FRRS1L: variants seen among roughly 807,000 people sequenced by gnomAD.
FRRS1L encodes the protein DOMON domain-containing protein FRRS1L.
Under a neutral mutation model 28.6 loss-of-function variants are expected in FRRS1L, and 22 were observed. The observed-to-expected ratio is 0.77, with a 90% confidence interval of 0.55 to 1.10. The LOEUF (loss-of-function observed/expected upper bound fraction) is 1.10, where lower values mean the gene tolerates loss of function less well. Ranked by LOEUF, FRRS1L falls within the 50% of genes least tolerant of loss-of-function variation. The probability of loss-of-function intolerance (pLI) is 0.00; values close to 1 mark genes in which losing one functional copy is unlikely to be tolerated. For missense variants in FRRS1L, 380 were observed against 386.9 expected (o/e 0.98, Z 0.15); for synonymous variants, 158 against 151.4 (o/e 1.04, Z -0.32).
At chr9:109,154,846 T>A (rs937683759) in intron 1 of FRRS1L, among the ~76,000 whole-genome samples, 1 of 152,208 alleles carries the variant, frequency 6.6e-6, no homozygotes, top group South Asian at 2.1e-4. Flanking sequence ...CGATAATGGA[T>A]AACAGACAAT....
At position 109,132,725 on chromosome 9, in the gene FRRS1L, T is replaced by C. The variant is rs1210264055; in HGVS notation, c.*4730A>G. On this transcript the variant is annotated 3_prime_UTR_variant, in exon 5 of 5. Coordinates refer to ENST00000561981, the MANE Select transcript of FRRS1L (RefSeq NM_014334.4). ...TGCAAGCTAAGAATGGTCTTTGGAT[T>C]TTTTTAATGGCTTTCTGAAAAAAAT... 1 of 152,178 alleles carries C rather than the reference T, an allele frequency of 6.6e-6. No homozygotes were observed. Among genetic ancestry groups the C allele is most frequent in the Non-Finnish European group, 1.5e-5 (1 of 68,030 alleles). 9.4% of individuals were successfully genotyped at this position (152,178 alleles called of 1,614,324 possible). A position where few individuals can be genotyped will look rare whatever the true frequency, so the allele number is the denominator to read the frequency against.
chr9:109,143,925 GA>G (rs1051303078), intron 3 of FRRS1L, among the ~76,000 whole-genome samples: 12 of 151,850 alleles, frequency 7.9e-5, no homozygotes, highest in Non-Finnish European at 1.6e-4. Context: ...AATAATACAA[GA>G]AAAAAAGAGA....
At position 109,131,930 on chromosome 9, in the gene FRRS1L, T is replaced by A. The variant is rs971174183; in HGVS notation, c.*5525A>T. 4.0e-5 allele frequency: 6 copies of A among 151,774 alleles called. No individual in the cohort carries two copies. Among genetic ancestry groups the A allele is most frequent in the African/African-American group, 1.5e-4 (6 of 41,370 alleles). 9.4% of individuals were successfully genotyped at this position (151,774 alleles called of 1,614,324 possible). A position where few individuals can be genotyped will look rare whatever the true frequency, so the allele number is the denominator to read the frequency against. On this transcript the variant is annotated 3_prime_UTR_variant, in exon 5 of 5. Coordinates refer to ENST00000561981, the MANE Select transcript of FRRS1L (RefSeq NM_014334.4). ...ACATCACATGTGTAAAACACTCCCATGGTGCAGCAGATTTTGATACAACTT... is the reference window on the plus strand; with the variant it reads ...ACATCACATGTGTAAAACACTCCCAAGGTGCAGCAGATTTTGATACAACTT...
chr9:109,160,221 C>T (rs1218786593), intron 1 of FRRS1L, among the ~76,000 whole-genome samples: 2 of 152,098 alleles, frequency 1.3e-5, no homozygotes, highest in African/African-American at 4.8e-5. Context: ...GGGGTTTCTC[C>T]CTGGATATTC....
chr9:109,133,887 A>T lies in FRRS1L; in HGVS notation c.*3568T>A, dbSNP rs562223551. 6.6e-6 allele frequency: 1 copy of T among 152,316 alleles called. No homozygotes were observed. Among genetic ancestry groups the T allele is most frequent in the African/African-American group, 2.4e-5 (1 of 41,564 alleles). The allele number at this position is 152,316 out of a possible 1,614,324, so 9.4% of individuals were successfully genotyped here. ...TTGATTCTCTTATATTTAAGTAGGG[A>T]TGAATGAAACTGAAGTTTTTGGAAT... On this transcript the variant is annotated 3_prime_UTR_variant, in exon 5 of 5. Coordinates refer to ENST00000561981, the MANE Select transcript of FRRS1L (RefSeq NM_014334.4).
Position 109,131,373 on chromosome 9 carries a change from C to G in FRRS1L, c.*6082G>C, listed in dbSNP as rs1831054967. On this transcript the variant is annotated 3_prime_UTR_variant, in exon 5 of 5. Transcript: ENST00000561981. ...TCTACAAACTACATTGCTATAAACT[C>G]AAGCATAGTTTTGCCTGTAATATGC... 1 of 152,180 alleles carries G rather than the reference C, an allele frequency of 6.6e-6. No homozygotes were observed. The highest frequency in any genetic ancestry group is 2.1e-4 in the South Asian group (1 of 4,834). 9.4% of individuals were successfully genotyped at this position (152,180 alleles called of 1,614,324 possible). A position where few individuals can be genotyped will look rare whatever the true frequency, so the allele number is the denominator to read the frequency against.
At chr9:109,149,574 T>C (rs2118487590) in intron 2 of FRRS1L, 62 bp downstream of exon 2, 3 of 1,118,172 alleles carry the variant, frequency 2.7e-6, no homozygotes, top group East Asian at 2.4e-5. Flanking sequence ...GCAATTTAAA[T>C]ACTACCCTGA....
In FRRS1L at chr9:109,137,432, A is replaced by G; in HGVS notation, c.*23T>C. ...TACTAAAGACTTCCCAATCCATGTA[A>G]TCTGTTGGCCCTGCAGCTGTGGTTA... On this transcript the variant is annotated 3_prime_UTR_variant, in exon 5 of 5. Coordinates refer to ENST00000561981, the MANE Select transcript of FRRS1L (RefSeq NM_014334.4). 1.4e-6 allele frequency: 2 copies of G among 1,450,318 alleles called. No homozygotes were observed. The highest frequency in any genetic ancestry group is 1.8e-6 in the Non-Finnish European group (2 of 1,082,292). 89.8% of individuals were successfully genotyped at this position (1,450,318 alleles called of 1,614,324 possible).
At chr9:109,149,422 C>T (rs1202781228) in intron 2 of FRRS1L, among the ~76,000 whole-genome samples, 1 of 152,054 alleles carries the variant, frequency 6.6e-6, no homozygotes, top group Non-Finnish European at 1.5e-5. Context: ...TAGAAAAGAA[C>T]CATGGAAGAA....
chr9:109,163,405 G>A (rs1013632494), intron 1 of FRRS1L, among the ~76,000 whole-genome samples: 1 of 152,204 alleles, frequency 6.6e-6, no homozygotes, highest in Non-Finnish European at 1.5e-5. Context: ...TGAAAGAGGT[G>A]ACATTTGAGC....
intron 1 of FRRS1L, among the ~76,000 whole-genome samples, chr9:109,161,823 C>T (rs55831709): frequency 5.8e-4 from 88 of 151,982 alleles, no homozygotes; most frequent in Non-Finnish European, 9.3e-4. Flanking sequence ...GTCTCTTTCC[C>T]GACGGCCTCA....
intron 3 of FRRS1L, among the ~76,000 whole-genome samples, chr9:109,142,990 C>T (rs1831207522): frequency 1.7e-5 from 1 of 58,444 alleles, no homozygotes; most frequent in African/African-American, 7.1e-5. Context: ...TGCTTGCCTA[C>T]AGTTTACATT....
At position 109,147,037 on chromosome 9, in the gene FRRS1L, G is replaced by T; in HGVS notation, c.462+14C>A. 1 of 1,611,984 alleles carries T rather than the reference G, an allele frequency of 6.2e-7. No homozygotes were observed. The highest frequency in any genetic ancestry group is 1.3e-5 in the African/African-American group (1 of 75,006). On this transcript the variant is annotated intron_variant, in intron 3 of 4. Coordinates refer to ENST00000561981, the MANE Select transcript of FRRS1L (RefSeq NM_014334.4). ...AAGAGAAAAAATCAGCTTCTATCAT[G>T]TTTTGCATCTTACCATTTTCTTGTC...
chr9:109,158,099 T>G (rs1216973458), intron 1 of FRRS1L, among the ~76,000 whole-genome samples: 1 of 152,244 alleles, frequency 6.6e-6, no homozygotes, highest in Non-Finnish European at 1.5e-5. Context: ...TAGCATCAGC[T>G]GTCACTTGAG....
At position 109,141,144 on chromosome 9, in the gene FRRS1L, T is replaced by C. The variant is rs117616971; in HGVS notation, c.709+199A>G. Reference sequence around the variant, plus strand: ...CTGTAGCTTTGCATGTGTGTAACTGTTCATTTGTTTGTCCGTATAATAAGT... The same window carrying C: ...CTGTAGCTTTGCATGTGTGTAACTGCTCATTTGTTTGTCCGTATAATAAGT... On this transcript the variant is annotated intron_variant, in intron 4 of 4. Coordinates refer to ENST00000561981, the MANE Select transcript of FRRS1L (RefSeq NM_014334.4). 1,770 of 610,354 alleles carry C rather than the reference T, an allele frequency of 2.9e-3. 9 individuals carry two copies. Among genetic ancestry groups the C allele is most frequent in the Middle Eastern group, 6.7e-3 (16 of 2,402 alleles). The allele number at this position is 610,354 out of a possible 1,614,324, so 37.8% of individuals were successfully genotyped here.
intron 1 of FRRS1L, among the ~76,000 whole-genome samples, chr9:109,165,906 G>A (rs1484458563): frequency 6.6e-6 from 1 of 152,196 alleles, no homozygotes; most frequent in African/African-American, 2.4e-5. Flanking sequence ...CAGAAGGGCA[G>A]GATCCAGAGA....
At chr9:109,161,237 C>T (rs1056003817) in intron 1 of FRRS1L, among the ~76,000 whole-genome samples, 3 of 152,052 alleles carry the variant, frequency 2.0e-5, no homozygotes, top group African/African-American at 4.8e-5. Context: ...TCGCTCTGTC[C>T]GTTCCCCCAT....
At chr9:109,152,070 T>C (rs1238319288) in intron 1 of FRRS1L, 1 of 152,208 alleles carries the variant, frequency 6.6e-6, no homozygotes, top group Non-Finnish European at 1.5e-5. Context: ...CCTCACTACT[T>C]CCTGGCATCT....
chr9:109,132,973 T>C lies in FRRS1L; in HGVS notation c.*4482A>G, dbSNP rs1412449958. The C allele has an allele frequency of 6.6e-6, 1 of 152,128 alleles. No individual in the cohort carries two copies. Among genetic ancestry groups the C allele is most frequent in the Non-Finnish European group, 1.5e-5 (1 of 68,022 alleles). 9.4% of individuals were successfully genotyped at this position (152,128 alleles called of 1,614,324 possible). A position where few individuals can be genotyped will look rare whatever the true frequency, so the allele number is the denominator to read the frequency against. On this transcript the variant is annotated 3_prime_UTR_variant, in exon 5 of 5. Transcript: ENST00000561981. ...ATGACACACAACCTCAGTGGTCACG[T>C]CTCTTATGCACAAAATCCTGAATAT...
Sources: gnomAD v4.1 joint callset for allele counts (sites outside exome capture counted in the v4.1 genomes callset) on GRCh38, gnomAD v4.1.1 for gene constraint, MANE v1.5 for transcripts, NCBI Gene and HGNC (gene_info 2026-07-23, HGNC 2026-07-21) for gene names.